Variants in SDHAF3 observed in about 807,000 individuals in gnomAD.
The protein encoded by SDHAF3 is succinate dehydrogenase assembly factor 3, mitochondrial.
SDHAF3 carries 18 observed loss-of-function variants against 11.5 expected under a neutral mutation model. That is an observed-to-expected ratio of 1.56 (90% CI 1.08 to 2.32). SDHAF3 has a LOEUF of 2.32. Ranked by LOEUF, SDHAF3 falls within the 30% of genes most tolerant of loss-of-function variation. SDHAF3 has a pLI of 0.00. For synonymous variants in SDHAF3, 72 were observed against 59.3 expected (o/e 1.21, Z -0.99); for missense variants, 200 against 154.4 (o/e 1.30, Z -1.57).
At position 97,147,445 on chromosome 7, in the gene SDHAF3, T is replaced by A. The variant is rs192980276; in HGVS notation, c.174+29548T>A. Among the ~76,000 whole-genome samples the A allele has an allele frequency of 2.1e-3, 317 of 152,342 alleles. 2 individuals carry two copies. Among genetic ancestry groups the A allele is most frequent in the Non-Finnish European group, 3.3e-3 (222 of 68,022 alleles). The stretch of plus-strand genomic sequence containing the variant: ...TTGTCCAGTACTTTGATTAAATAAT[T>A]CCTACTGATTTGAACAAAATGCAAC... On this transcript the variant is annotated intron_variant, in intron 1 of 1. Transcript: ENST00000432641.
chr7:97,175,919 G>A (rs2115749634), intron 1 of SDHAF3, among the ~76,000 whole-genome samples: 1 of 152,324 alleles, frequency 6.6e-6, no homozygotes, highest in African/African-American at 2.4e-5. Context: ...TAATTAAAGA[G>A]TGAGAGGCTC....
At chr7:97,131,339 C>G (rs1025488689) in intron 1 of SDHAF3, among the ~76,000 whole-genome samples, 1 of 152,126 alleles carries the variant, frequency 6.6e-6, no homozygotes, top group African/African-American at 2.4e-5. Flanking sequence ...AAATCAGTGT[C>G]TAAATATTAT....
intron 1 of SDHAF3, among the ~76,000 whole-genome samples, chr7:97,160,935 TAAAAA>T (rs113096526): frequency 6.8e-6 from 1 of 147,378 alleles, no homozygotes; most frequent in African/African-American, 2.5e-5. Flanking sequence ...TGTCATCTCT[TAAAAA>T]AAAAAAGTAC....
intron 1 of SDHAF3, among the ~76,000 whole-genome samples, chr7:97,158,199 G>C (rs77830143): frequency 0.025 from 3,819 of 152,158 alleles, 149 homozygotes; most frequent in African/African-American, 0.088. Flanking sequence ...TTAATTGAGA[G>C]AACACTTTTA....
rs147849701 is a variant in SDHAF3 at position 97,127,111 on chromosome 7, C to A, written c.174+9214C>A. Reference sequence around the variant, plus strand: ...GGCAACACCCCATGCTGCTTCTGCTCGCCCTCCATGGGCTGCACCCACTGC... The same window carrying A: ...GGCAACACCCCATGCTGCTTCTGCTAGCCCTCCATGGGCTGCACCCACTGC... On this transcript the variant is annotated intron_variant, in intron 1 of 1. Transcript: ENST00000432641. 5.7e-3 allele frequency among the ~76,000 whole-genome samples: 875 copies of A among 152,282 alleles called. 7 individuals are homozygous for A. Among genetic ancestry groups the A allele is most frequent in the African/African-American group, 0.02 (833 of 41,556 alleles).
At chr7:97,180,817 T>TAA (rs1192676390) in intron 1 of SDHAF3, among the ~76,000 whole-genome samples, 195 bp from the exon 2 acceptor site, 1 of 152,176 alleles carries the variant, frequency 6.6e-6, no homozygotes, top group Non-Finnish European at 1.5e-5. Flanking sequence ...TTAAAACACT[T>TAA]AAAGTGCTAA....
At position 97,158,066 on chromosome 7, in the gene SDHAF3, A is replaced by G. The variant is rs143983529; in HGVS notation, c.175-22946A>G. Among the ~76,000 whole-genome samples the G allele has an allele frequency of 6.0e-4, 92 of 152,210 alleles. No individual in the cohort carries two copies. The East Asian group carries it at 7.0e-3, about 12-fold the overall frequency. On this transcript the variant is annotated intron_variant, in intron 1 of 1. Coordinates refer to ENST00000432641, the MANE Select transcript of SDHAF3 (RefSeq NM_020186.3). ...ATCATGGTGTGCCATGAGCACACCAACATGGCACATGTATACATATGTAAC... is the reference window on the plus strand; with the variant it reads ...ATCATGGTGTGCCATGAGCACACCAGCATGGCACATGTATACATATGTAAC...
At chr7:97,151,144 G>A (rs1789212780) in intron 1 of SDHAF3, among the ~76,000 whole-genome samples, 1 of 152,032 alleles carries the variant, frequency 6.6e-6, no homozygotes, top group Non-Finnish European at 1.5e-5. Flanking sequence ...TAGGGGTGAC[G>A]GGAACTTTTA....
At chr7:97,128,176 T>G (rs910734792) in intron 1 of SDHAF3, among the ~76,000 whole-genome samples, 1 of 152,146 alleles carries the variant, frequency 6.6e-6, no homozygotes, top group East Asian at 1.9e-4. Flanking sequence ...GTTTTAACTT[T>G]TAAAACATTT....
chr7:97,175,861 A>G (rs533247454), intron 1 of SDHAF3, among the ~76,000 whole-genome samples: 2 of 152,318 alleles, frequency 1.3e-5, no homozygotes, highest in African/African-American at 4.8e-5. Flanking sequence ...GCTGTAATAA[A>G]TTACCACAGC....
intron 1 of SDHAF3, among the ~76,000 whole-genome samples, chr7:97,145,350 C>T (rs1789120122): frequency 6.6e-6 from 1 of 152,052 alleles, no homozygotes; most frequent in African/African-American, 2.4e-5. Flanking sequence ...TAGTACATTT[C>T]ATATTTGAAT....
In SDHAF3 at chr7:97,117,801, C is replaced by CCT; in HGVS notation, c.80_81dup (p.Lys28SerfsTer9). On this transcript the variant is annotated frameshift_variant, in exon 1 of 2. Transcript: ENST00000432641. LOFTEE classifies it high-confidence loss of function. ...AGCTGCACCGTGTTCTGCCCCCGGA[C>CCT]CTCAAATCCCTGGGCGACCAGTACG... The CCT allele has an allele frequency of 6.2e-7, 1 of 1,614,188 alleles. No individual in the cohort carries two copies. The highest frequency in any genetic ancestry group is 8.5e-7 in the Non-Finnish European group (1 of 1,180,034).
chr7:97,142,034 ATTG>A (rs1204046086), intron 1 of SDHAF3, among the ~76,000 whole-genome samples: 2 of 129,386 alleles, frequency 1.5e-5, no homozygotes, highest in Non-Finnish European at 1.6e-5. Context: ...AAATGTGTGA[ATTG>A]TTGTCTTTTT....
chr7:97,165,218 C>T lies in SDHAF3; in HGVS notation c.175-15794C>T, dbSNP rs576993340. ...AGGAGAATGGCGTGAACCCAGGAGG[C>T]GGAGCTTGCAGTGAGCCGAGATCGT... is the stretch of plus-strand genomic sequence containing the variant. On this transcript the variant is annotated intron_variant, in intron 1 of 1. Transcript: ENST00000432641. Among the ~76,000 whole-genome samples the T allele has an allele frequency of 3.3e-5, 5 of 152,172 alleles. No individual in the cohort carries two copies. In the South Asian group the frequency reaches 8.3e-4, roughly 25 times the overall value.
intron 1 of SDHAF3, 60 bp from the exon 2 acceptor site, chr7:97,180,952 C>T (rs1789762029): frequency 5.0e-6 from 7 of 1,401,040 alleles, no homozygotes; most frequent in Non-Finnish European, 6.8e-6. Context: ...AATTCAAGTC[C>T]TCTAATGTTA....
intron 1 of SDHAF3, among the ~76,000 whole-genome samples, chr7:97,163,793 T>C (rs1789454036): frequency 6.6e-6 from 1 of 152,174 alleles, no homozygotes; most frequent in South Asian, 2.1e-4. Flanking sequence ...CTGGTACCAA[T>C]TGTTTCCTTT....
intron 1 of SDHAF3, among the ~76,000 whole-genome samples, chr7:97,124,958 T>C (rs927711145): frequency 6.6e-6 from 1 of 152,200 alleles, no homozygotes; most frequent in East Asian, 1.9e-4. Context: ...TGACTTCCTC[T>C]CTTCTTATTT....
intron 1 of SDHAF3, among the ~76,000 whole-genome samples, chr7:97,141,996 C>G (rs1374599891): frequency 2.0e-5 from 3 of 149,884 alleles, no homozygotes; most frequent in Non-Finnish European, 4.4e-5. Flanking sequence ...ATGCTAATTA[C>G]CACAGCTGGA....
rs537625228 is a variant in SDHAF3, at chr7:97,122,972, TA to T, written c.174+5076del. Among the ~76,000 whole-genome samples the T allele has an allele frequency of 2.0e-3, 306 of 152,224 alleles. 1 individual carries two copies. The highest frequency in any genetic ancestry group is 7.2e-3 in the African/African-American group (297 of 41,512). ...TTCCTAGCTACTGCTGCAATGGAAG[TA>T]CTTTTTTACTTTTTAAAATTTTATT... On this transcript the variant is annotated intron_variant, in intron 1 of 1. Coordinates refer to ENST00000432641, the MANE Select transcript of SDHAF3 (RefSeq NM_020186.3).
Sources: allele counts gnomAD v4.1 joint callset (sites outside exome capture counted in the v4.1 genomes callset), GRCh38; gene constraint gnomAD v4.1.1; transcripts MANE v1.5; gene names NCBI Gene and HGNC (gene_info 2026-07-23, HGNC 2026-07-21).